The following CACNA1E variants were observed in gnomAD, a reference collection of about 807,000 sequenced individuals.
CACNA1E encodes voltage-dependent R-type calcium channel subunit alpha-1E.
In CACNA1E, 40 loss-of-function variants were observed where a neutral mutation model predicts 259.2. The observed-to-expected ratio is 0.15, with a 90% confidence interval of 0.12 to 0.20. The LOEUF (loss-of-function observed/expected upper bound fraction) is 0.20, where lower values mean the gene tolerates loss of function less well. Ranked by LOEUF, CACNA1E falls within the 10% of genes least tolerant of loss-of-function variation. The probability of loss-of-function intolerance (pLI) is 1.00; values close to 1 mark genes in which losing one functional copy is unlikely to be tolerated. For synonymous variants in CACNA1E, 1,104 were observed against 1,138.5 expected, an observed-to-expected ratio of 0.97 and a Z score of 0.61; for missense variants, 1,874 against 3,040.1, an observed-to-expected ratio of 0.62 and a Z score of 9.02.
chr1:181,599,215 A>G (rs1653504496), intron 6 of CACNA1E, among the ~76,000 whole-genome samples: 1 of 151,744 alleles, frequency 6.6e-6, no homozygotes, highest in South Asian at 2.1e-4. Context: ...AACATGGGGC[A>G]TTTGGTTTTC....
At chr1:181,364,743 G>A (rs534835473) in intron 1 of CACNA1E, among the ~76,000 whole-genome samples, 1 of 152,338 alleles carries the variant, frequency 6.6e-6, no homozygotes, top group South Asian at 2.1e-4. Context: ...ACAATACAGT[G>A]TGGTTCTGGG....
chr1:181,461,414 G>A (rs566162008), intron 2 of CACNA1E, among the ~76,000 whole-genome samples: 3 of 151,764 alleles, frequency 2.0e-5, no homozygotes, highest in Admixed American at 6.6e-5. Flanking sequence ...GGTGGCGGGC[G>A]CCTGTAGACC....
intron 27 of CACNA1E, among the ~76,000 whole-genome samples, chr1:181,753,938 C>G (rs1041037892): frequency 2.0e-5 from 3 of 152,192 alleles, no homozygotes; most frequent in Non-Finnish European, 2.9e-5. Flanking sequence ...ACCCATGCTC[C>G]CAAGGAAGTG....
At chr1:181,460,825 TG>T (rs1401542317) in intron 2 of CACNA1E, among the ~76,000 whole-genome samples, 1 of 152,242 alleles carries the variant, frequency 6.6e-6, no homozygotes, top group African/African-American at 2.4e-5. Flanking sequence ...CTGCCAGCCC[TG>T]AGTTTGAATT....
rs74127724 is a variant in CACNA1E, at chr1:181,328,748, T to C, written c.-15+10625T>C. Reference sequence around the variant, plus strand: ...GCAAGTCTAACCCTGAGTGACAGATTGAGGGAAGGTAAGTTGAGTTCAAGG... The same window carrying C: ...GCAAGTCTAACCCTGAGTGACAGATCGAGGGAAGGTAAGTTGAGTTCAAGG... On this transcript the variant is annotated intron_variant, in intron 1 of 11. Transcript: ENST00000524607. Among the ~76,000 whole-genome samples the C allele has an allele frequency of 9.4e-3, 1,436 of 152,154 alleles. 29 individuals carry two copies. The highest frequency in any genetic ancestry group is 0.033 in the African/African-American group (1,376 of 41,484).
chr1:181,318,297 TCTCCTCTGCACGCGCTGCCTGTTC>T (rs559927343), intron 1 of CACNA1E, among the ~76,000 whole-genome samples: 2 of 152,114 alleles, frequency 1.3e-5, no homozygotes, highest in Non-Finnish European at 1.5e-5. Context: ...CTTCTCGGAA[TCTCCTCTGCACGCGCTGCCTGTTC>T]CTCCTCTGCA....
chr1:181,398,637 C>T (rs978091219), intron 1 of CACNA1E, among the ~76,000 whole-genome samples: 2 of 152,154 alleles, frequency 1.3e-5, no homozygotes, highest in East Asian at 1.9e-4. Flanking sequence ...GTGCGGAGTG[C>T]CCTCCCTCCA....
chr1:181,587,201 C>T (rs1192506454), intron 6 of CACNA1E, among the ~76,000 whole-genome samples: 4 of 152,150 alleles, frequency 2.6e-5, no homozygotes, highest in Non-Finnish European at 5.9e-5. Flanking sequence ...GTAAGGTCAT[C>T]AGCAGAGGGT....
intron 2 of CACNA1E, among the ~76,000 whole-genome samples, chr1:181,472,634 A>G (rs2102417376): frequency 6.6e-6 from 1 of 152,216 alleles, no homozygotes; most frequent in East Asian, 1.9e-4. Context: ...TTTAATACAC[A>G]TCTCTACCAT....
At chr1:181,572,134 T>C (rs1318802282) in intron 3 of CACNA1E, among the ~76,000 whole-genome samples, 1 of 152,108 alleles carries the variant, frequency 6.6e-6, no homozygotes, top group Non-Finnish European at 1.5e-5. Context: ...AGGCATAGAC[T>C]TGTACAGTGA....
Position 181,792,508 on chromosome 1 carries a change from CTG to C in CACNA1E, c.5899-1152_5899-1151del, listed in dbSNP as rs2102880158. Among the ~76,000 whole-genome samples the C allele has an allele frequency of 2.0e-5, 3 of 152,314 alleles. No homozygotes were observed. In the East Asian group the frequency reaches 5.8e-4, roughly 29 times the overall value. On this transcript the variant is annotated intron_variant, in intron 44 of 47. Coordinates refer to ENST00000367573, the MANE Select transcript of CACNA1E (RefSeq NM_001205293.3). ...TTACCACGTCTGTCTGGAGTCAGAA[CTG>C]TGTGCTATACAAAGCATGTACTACA...
At chr1:181,630,927 A>G (rs561512411) in intron 6 of CACNA1E, among the ~76,000 whole-genome samples, 1 of 152,110 alleles carries the variant, frequency 6.6e-6, no homozygotes, top group Non-Finnish European at 1.5e-5. Context: ...TTACCTCCCA[A>G]GTGTTGTTTT....
chr1:181,704,589 CAG>C (rs1173564750), intron 7 of CACNA1E, among the ~76,000 whole-genome samples: 1 of 152,114 alleles, frequency 6.6e-6, no homozygotes, highest in African/African-American at 2.4e-5. Flanking sequence ...GTGTGCTTGG[CAG>C]AGTGTGTGTA....
At chr1:181,578,982 A>T (rs1651251757) in intron 4 of CACNA1E, 90 bp from the exon 5 acceptor site, 1 of 1,138,510 alleles carries the variant, frequency 8.8e-7, no homozygotes, top group African/African-American at 1.6e-5. Flanking sequence ...GGCAGCATGG[A>T]TGAAACCAAT....
intron 40 of CACNA1E, among the ~76,000 whole-genome samples, chr1:181,784,359 AT>A (rs751021210): frequency 6.6e-4 from 101 of 152,216 alleles, no homozygotes; most frequent in Middle Eastern, 3.4e-3. Context: ...GGCTATTGTT[AT>A]TTTCTCCTCT....
chr1:181,800,995 A>G lies in CACNA1E; in HGVS notation c.*2161A>G, dbSNP rs1308310676. 2 of 152,684 alleles carry G rather than the reference A, an allele frequency of 1.3e-5. No homozygotes were observed. The highest frequency in any genetic ancestry group is 4.8e-5 in the African/African-American group (2 of 41,462). The allele number at this position is 152,684 out of a possible 1,614,324, so 9.5% of individuals were successfully genotyped here. ...GCTTGAGGGTGGCTGGGAATGTGAT[A>G]TACAGCACCCTGATCCTAACAGGTG... is the stretch of plus-strand genomic sequence containing the variant. On this transcript the variant is annotated 3_prime_UTR_variant, in exon 48 of 48. Transcript: ENST00000367573.
intron 7 of CACNA1E, among the ~76,000 whole-genome samples, chr1:181,705,700 G>A (rs113684807): frequency 1.1e-3 from 175 of 152,274 alleles, no homozygotes; most frequent in East Asian, 4.2e-3. Context: ...GAGAAGTATC[G>A]GGAATGAAAC....
chr1:181,560,608 C>T (rs951239478), intron 3 of CACNA1E, among the ~76,000 whole-genome samples: 1 of 152,174 alleles, frequency 6.6e-6, no homozygotes, highest in Admixed American at 6.5e-5. Flanking sequence ...ACTGTTAAAA[C>T]ACTAAAGTCT....
intron 7 of CACNA1E, among the ~76,000 whole-genome samples, chr1:181,661,424 C>T (rs887262750): frequency 2.6e-5 from 4 of 152,014 alleles, no homozygotes; most frequent in South Asian, 2.1e-4. Flanking sequence ...CTGCAGGACT[C>T]GGGACTGTGT....
Sources: allele counts gnomAD v4.1 joint callset (sites outside exome capture counted in the v4.1 genomes callset), GRCh38; gene constraint gnomAD v4.1.1; transcripts MANE v1.5; gene names NCBI Gene and HGNC (gene_info 2026-07-23, HGNC 2026-07-21).